ARHGAP22: variants seen among roughly 807,000 people sequenced by gnomAD.
The protein encoded by ARHGAP22 is Rho GTPase activating protein 22.
In ARHGAP22, 48 loss-of-function variants were observed where a neutral mutation model predicts 59.1. The observed-to-expected ratio is 0.81, with a 90% CI of 0.64 to 1.03. The LOEUF (loss-of-function observed/expected upper bound fraction) is 1.03, where lower values mean the gene tolerates loss of function less well. ARHGAP22 is among the 50% of genes least tolerant of loss of function. The pLI, the probability that ARHGAP22 is intolerant of heterozygous loss-of-function variation, is 0.00. For synonymous variants in ARHGAP22, 445 were observed against 416.4 expected, an observed-to-expected ratio of 1.07 and a Z score of -0.84; for missense variants, 1,015 against 958.7, an observed-to-expected ratio of 1.06 and a Z score of -0.78.
At chr10:48,595,150 C>T (rs981792594) in intron 1 of ARHGAP22, among the ~76,000 whole-genome samples, 1 of 152,020 alleles carries the variant, frequency 6.6e-6, no homozygotes, top group Non-Finnish European at 1.5e-5. Context: ...TGAGTGCAGC[C>T]CCTAGAGCAT....
At position 48,643,460 on chromosome 10, in the gene ARHGAP22, G is replaced by T. The variant is rs557089704; in HGVS notation, c.52+8774C>A. On this transcript the variant is annotated intron_variant, in intron 1 of 9. Coordinates refer to the ARHGAP22 transcript ENST00000435790. ...GAGTTCATGTCCTTTGTAGGGACAT[G>T]GATGAAACTGGAAACCATCATTCTC... is the stretch of plus-strand genomic sequence containing the variant. Among the ~76,000 whole-genome samples the T allele has an allele frequency of 3.4e-3, 514 of 152,194 alleles. 3 individuals carry two copies. Among genetic ancestry groups the T allele is most frequent in the African/African-American group, 0.012 (483 of 41,518 alleles).
intron 3 of ARHGAP22, among the ~76,000 whole-genome samples, chr10:48,502,510 C>T (rs1035325041): frequency 6.6e-6 from 1 of 152,186 alleles, no homozygotes; most frequent in Non-Finnish European, 1.5e-5. Context: ...GCGGAGAGCA[C>T]CTTTCCAGCC....
At chr10:48,482,495 T>C (rs1255951421) in intron 3 of ARHGAP22, among the ~76,000 whole-genome samples, 5 of 152,228 alleles carry the variant, frequency 3.3e-5, no homozygotes, top group South Asian at 4.1e-4. Flanking sequence ...CCATGTTGAA[T>C]AGAAGTGGTG....
At chr10:48,523,320 A>G (rs115620608) in intron 3 of ARHGAP22, among the ~76,000 whole-genome samples, 236 of 152,284 alleles carry the variant, frequency 1.5e-3, no homozygotes, top group African/African-American at 5.5e-3. Context: ...GGGTCAGGTG[A>G]GTTTAGGGAG....
intron 2 of ARHGAP22, among the ~76,000 whole-genome samples, chr10:48,561,580 A>G (rs1374570653): frequency 6.6e-6 from 1 of 152,252 alleles, no homozygotes; most frequent in African/African-American, 2.4e-5. Context: ...ATATTTGAAT[A>G]TCATGTATCT....
chr10:48,596,936 A>G (rs952205772), intron 1 of ARHGAP22, among the ~76,000 whole-genome samples: 1 of 152,114 alleles, frequency 6.6e-6, no homozygotes, highest in African/African-American at 2.4e-5. Flanking sequence ...CGCATGGGCC[A>G]TTGTGCCACA....
At chr10:48,447,101 C>T (rs61838706) in intron 9 of ARHGAP22, among the ~76,000 whole-genome samples, 1 of 152,120 alleles carries the variant, frequency 6.6e-6, no homozygotes, top group East Asian at 1.9e-4. Flanking sequence ...AGTCACTTCC[C>T]TTCCTGCTCT....
At chr10:48,535,182 A>C (rs2055225955) in intron 3 of ARHGAP22, among the ~76,000 whole-genome samples, 1 of 152,244 alleles carries the variant, frequency 6.6e-6, no homozygotes, top group African/African-American at 2.4e-5. Flanking sequence ...AACCCTGAGA[A>C]TGATGTTGAT....
rs76580318 is a variant in ARHGAP22 at position 48,524,972 on chromosome 10, C to A, written c.322+30491G>T. 1.2e-3 allele frequency among the ~76,000 whole-genome samples: 188 copies of A among 152,318 alleles called. 4 individuals are homozygous for A. In the East Asian group the frequency reaches 0.031, roughly 25 times the overall value. On this transcript the variant is annotated intron_variant, in intron 3 of 9. Coordinates refer to ENST00000249601, the MANE Select transcript of ARHGAP22 (RefSeq NM_021226.4). ...TGTCAATTAAATGAGTTGATATATA[C>A]AAGGACTTAGAACCCAAGTGGCCTG...
chr10:48,640,831 T>C (rs567819626), intron 1 of ARHGAP22, among the ~76,000 whole-genome samples: 1 of 152,306 alleles, frequency 6.6e-6, no homozygotes, highest in East Asian at 1.9e-4. Flanking sequence ...GAAGGTCCCA[T>C]AAATTTATTT....
intron 3 of ARHGAP22, among the ~76,000 whole-genome samples, chr10:48,552,452 C>T (rs936456971): frequency 6.6e-6 from 1 of 152,246 alleles, no homozygotes; most frequent in Non-Finnish European, 1.5e-5. Context: ...GCCCCTTGTC[C>T]CCCCAGATGC....
intron 3 of ARHGAP22, among the ~76,000 whole-genome samples, chr10:48,549,198 C>T (rs1377783671): frequency 6.6e-6 from 1 of 152,208 alleles, no homozygotes; most frequent in Non-Finnish European, 1.5e-5. Context: ...ATTCTATCTC[C>T]AAGCCCTATG....
intron 1 of ARHGAP22, among the ~76,000 whole-genome samples, chr10:48,584,566 C>G (rs2059308720): frequency 6.6e-6 from 1 of 152,206 alleles, no homozygotes; most frequent in Non-Finnish European, 1.5e-5. Context: ...TGATGTCTTA[C>G]CCACTTCTAC....
intron 1 of ARHGAP22, among the ~76,000 whole-genome samples, chr10:48,591,731 G>T (rs2059768687): frequency 1.3e-5 from 2 of 152,126 alleles, no homozygotes; most frequent in Non-Finnish European, 2.9e-5. Context: ...AAAATTTGCT[G>T]GGCATGGTGG....
At chr10:48,435,763 G>A in the ARHGAP22 span, 1 of 152,188 alleles carries the variant, frequency 6.6e-6, no homozygotes, top group Non-Finnish European at 1.5e-5. Flanking sequence ...TAAGTAAAAA[G>A]AATATGGTGT....
chr10:48,454,041 T>G, intron 7 of ARHGAP22, 47 bp downstream of exon 7: 1 of 1,574,840 alleles, frequency 6.3e-7, no homozygotes, highest in Non-Finnish European at 8.7e-7. Context: ...TGGGGGAGCG[T>G]GGAGCCAGTG....
At position 48,455,108 on chromosome 10, in the gene ARHGAP22, G is replaced by C. The variant is rs1159488946; in HGVS notation, c.686C>G (p.Ser229Cys). ...DSTTDVHTVA[S>C]LLKLYLRELP... The stretch of plus-strand genomic sequence containing the variant: ...CTCCCGCAGGTACAGCTTCAGCAGG[G>C]AGGCCACCGTGTGCACGTCTGTTGT... The change falls in exon 6 of 10, where the codon TCC becomes TGC. Residue 229 changes from serine to cysteine, a missense_variant. By Grantham distance (112) the Ser-to-Cys change is moderately radical. Transcript: ENST00000249601. 6.2e-7 allele frequency: 1 copy of C among 1,611,894 alleles called. No homozygotes were observed. The highest frequency in any genetic ancestry group is 1.1e-5 in the South Asian group (1 of 90,920).
chr10:48,465,676 T>C (rs537178866), intron 4 of ARHGAP22, among the ~76,000 whole-genome samples: 13 of 152,338 alleles, frequency 8.5e-5, no homozygotes, highest in East Asian at 3.9e-4. Flanking sequence ...GCAGCAGGTC[T>C]GCTTCAGTCA....
chr10:48,620,714 G>A (rs1303713622), intron 1 of ARHGAP22, among the ~76,000 whole-genome samples: 1 of 152,200 alleles, frequency 6.6e-6, no homozygotes, highest in Non-Finnish European at 1.5e-5. Context: ...GAGAGGAAAT[G>A]TTAGTTCTCT....
Sources: gnomAD v4.1 joint callset for allele counts (sites outside exome capture counted in the v4.1 genomes callset) on GRCh38, gnomAD v4.1.1 for gene constraint, MANE v1.5 for transcripts, NCBI Gene and HGNC (gene_info 2026-07-23, HGNC 2026-07-21) for gene names.